Variants in EZH2 observed in about 807,000 individuals in gnomAD.
EZH2 encodes histone-lysine N-methyltransferase EZH2.
EZH2 carries 18 observed loss-of-function variants against 98.4 expected under a neutral mutation model. The observed-to-expected ratio is 0.18, with a 90% CI of 0.13 to 0.27. The LOEUF (loss-of-function observed/expected upper bound fraction) is 0.27, where lower values mean the gene tolerates loss of function less well. EZH2 is among the 10% of genes least tolerant of loss of function. The probability of loss-of-function intolerance (pLI) is 1.00; values close to 1 mark genes in which losing one functional copy is unlikely to be tolerated. For missense variants in EZH2, 470 were observed against 935.1 expected (o/e 0.50, Z 6.49); for synonymous variants, 338 against 312.3 (o/e 1.08, Z -0.87).
intron 12 of EZH2, among the ~76,000 whole-genome samples, chr7:148,816,421 A>T (rs1804571698): frequency 6.6e-6 from 1 of 152,216 alleles, no homozygotes; most frequent in Non-Finnish European, 1.5e-5. Flanking sequence ...GCTACTAAAT[A>T]TGTTTTTCTT....
intron 1 of EZH2, among the ~76,000 whole-genome samples, chr7:148,878,027 C>G: frequency 6.6e-6 from 1 of 152,124 alleles, no homozygotes. Flanking sequence ...GTTTCCTCAT[C>G]TGTAAAGGTT....
intron 1 of EZH2, among the ~76,000 whole-genome samples, chr7:148,866,554 A>G (rs774310202): frequency 3.0e-3 from 268 of 88,616 alleles, no homozygotes; most frequent in African/African-American, 0.014. Flanking sequence ...ACATATATAT[A>G]CATATATACA....
intron 1 of EZH2, among the ~76,000 whole-genome samples, chr7:148,862,212 C>T (rs1563056994): frequency 1.4e-5 from 2 of 138,024 alleles, no homozygotes; most frequent in Non-Finnish European, 3.4e-5. Context: ...TACTCTGCCA[C>T]ATTAACATTC....
Position 148,818,069 on chromosome 7 carries a change from T to A in EZH2, c.1048A>T (p.Thr350Ser). 1 of 1,613,306 alleles carries A rather than the reference T, an allele frequency of 6.2e-7. No homozygotes were observed. Among genetic ancestry groups the A allele is most frequent in the Non-Finnish European group, 8.5e-7 (1 of 1,179,728 alleles). Residue 350 changes from threonine (T) to serine (S), a missense_variant, in exon 10 of 20, where the codon ACC (threonine) becomes TCC (serine). Thr to Ser is a moderately conservative substitution (Grantham distance 58). This residue lies in a region of EZH2 where 192 missense variants were observed against 306.8 expected (regional missense o/e 0.63). Transcript: ENST00000320356. ...AAALTAERIK[T>S]PPKRPGGRRR... ...CGGCCTCCTGGACGTTTTGGTGGGG[T>A]CTTTATCCGCTCAGCGGTGAGAGCA...
At chr7:148,859,014 A>G (rs1817263193) in intron 1 of EZH2, among the ~76,000 whole-genome samples, 1 of 152,246 alleles carries the variant, frequency 6.6e-6, no homozygotes, top group South Asian at 2.1e-4. Flanking sequence ...CCACAGTGAG[A>G]GCACACAACT....
intron 3 of EZH2, among the ~76,000 whole-genome samples, chr7:148,844,237 CGAAA>C (rs1192598876): frequency 6.6e-6 from 1 of 152,006 alleles, no homozygotes; most frequent in Non-Finnish European, 1.5e-5. Flanking sequence ...AATGCTTAAA[CGAAA>C]GAAAAAATAA....
At chr7:148,855,804 A>G (rs188501402) in intron 1 of EZH2, among the ~76,000 whole-genome samples, 224 of 149,292 alleles carry the variant, frequency 1.5e-3, no homozygotes, top group African/African-American at 4.9e-3. Flanking sequence ...AGGCTGAGGC[A>G]GGAGAATCGC....
intron 1 of EZH2, among the ~76,000 whole-genome samples, chr7:148,866,573 C>CGTATATACATATATATAT (rs1563063447): frequency 4.6e-5 from 6 of 130,690 alleles, no homozygotes; most frequent in African/African-American, 8.9e-5. Flanking sequence ...CATATATATA[C>CGTATATACATATATATAT]GTATATACAT....
chr7:148,844,768 TC>T (rs1813534801), intron 3 of EZH2, among the ~76,000 whole-genome samples: 1 of 152,206 alleles, frequency 6.6e-6, no homozygotes. Context: ...TTAGTAAATA[TC>T]CACTTGAACA....
chr7:148,833,429 C>G lies in EZH2; in HGVS notation c.247-679G>C, dbSNP rs1324198750. ...TCGAGATCGCGCCACTGCACTCCAGCCTGGGCGACAGAGCGAAACTCCGTC... is the reference window on the plus strand; with the variant it reads ...TCGAGATCGCGCCACTGCACTCCAGGCTGGGCGACAGAGCGAAACTCCGTC... On this transcript the variant is annotated intron_variant, in intron 3 of 19. Coordinates refer to ENST00000320356, the MANE Select transcript of EZH2 (RefSeq NM_004456.5). Among the ~76,000 whole-genome samples, 9 of 150,392 alleles carry G rather than the reference C, an allele frequency of 6.0e-5. 1 individual carries two copies. Among genetic ancestry groups the G allele is most frequent in the African/African-American group, 2.2e-4 (9 of 40,946 alleles).
chr7:148,819,900 A>G (rs1805526684), intron 8 of EZH2, among the ~76,000 whole-genome samples: 1 of 152,258 alleles, frequency 6.6e-6, no homozygotes. Flanking sequence ...AAGGAAAAAC[A>G]GTAAATTCTG....
At chr7:148,862,898 T>C (rs998778685) in intron 1 of EZH2, among the ~76,000 whole-genome samples, 2 of 146,852 alleles carry the variant, frequency 1.4e-5, no homozygotes, top group Admixed American at 7.0e-5. Flanking sequence ...CAACATGGTT[T>C]TTTTGTTTGT....
chr7:148,850,728 A>G (rs1207508104), intron 1 of EZH2, among the ~76,000 whole-genome samples: 1 of 152,190 alleles, frequency 6.6e-6, no homozygotes, highest in African/African-American at 2.4e-5. Context: ...ATAATTGTAC[A>G]GTAGTCCCCA....
intron 1 of EZH2, among the ~76,000 whole-genome samples, chr7:148,875,525 T>C (rs368305985): frequency 5.3e-5 from 8 of 152,290 alleles, no homozygotes; most frequent in Non-Finnish European, 7.4e-5. Context: ...TCATTGATCA[T>C]CTGAGAAACA....
intron 1 of EZH2, among the ~76,000 whole-genome samples, chr7:148,882,726 C>T (rs1408198188): frequency 2.0e-5 from 3 of 152,166 alleles, no homozygotes; most frequent in African/African-American, 7.2e-5. Context: ...ATGATGACAT[C>T]AAAACGCCAC....
At chr7:148,879,319 G>A (rs545745772) in intron 1 of EZH2, among the ~76,000 whole-genome samples, 202 of 152,214 alleles carry the variant, frequency 1.3e-3, no homozygotes, top group Middle Eastern at 6.8e-3. Flanking sequence ...GGGAGGACGA[G>A]GCAGGTCAAT....
intron 1 of EZH2, among the ~76,000 whole-genome samples, chr7:148,861,097 G>T (rs1428571559): frequency 6.6e-6 from 1 of 151,980 alleles, no homozygotes; most frequent in Non-Finnish European, 1.5e-5. Flanking sequence ...TATATAAAAT[G>T]GCACAGTATT....
chr7:148,861,385 C>G (rs1283315519), intron 1 of EZH2, among the ~76,000 whole-genome samples: 3 of 151,980 alleles, frequency 2.0e-5, no homozygotes, highest in Non-Finnish European at 4.4e-5. Flanking sequence ...CACTACCATG[C>G]CCAGCTAATT....
chr7:148,871,137 T>C (rs1164546883), intron 1 of EZH2, among the ~76,000 whole-genome samples: 2 of 151,932 alleles, frequency 1.3e-5, no homozygotes, highest in African/African-American at 4.8e-5. Context: ...AAAACCACAA[T>C]GAGATAGCAC....
Sources: allele counts gnomAD v4.1 joint callset (sites outside exome capture counted in the v4.1 genomes callset), GRCh38; gene constraint gnomAD v4.1.1; regional missense constraint gnomAD v4.1.1; transcripts MANE v1.5; gene names NCBI Gene and HGNC (gene_info 2026-07-23, HGNC 2026-07-21).